The following SLC22A2 variants were observed in gnomAD, a reference collection of about 807,000 sequenced individuals.
SLC22A2 encodes solute carrier family 22 member 2.
A neutral mutation model predicts 60.5 loss-of-function variants in SLC22A2; 46 were observed. The ratio of observed to expected loss-of-function variants is 0.76; its 90% CI spans 0.60 to 0.97. The LOEUF is 0.97. SLC22A2 is among the 50% of genes least tolerant of loss of function. The pLI is 0.00. For missense variants in SLC22A2, 701 were observed against 706.6 expected (o/e 0.99, Z 0.09); for synonymous variants, 303 against 267.0 (o/e 1.13, Z -1.31).
Position 160,243,729 on chromosome 6 carries a change from G to A in SLC22A2, c.1122C>T (p.Asp374=). ...AGTAGAAGAAATCCAGGTAGATATT[G>A]TCACCTGCAAGGCCCATGTGCATGA... ...GLIMHMGLAG[D]NIYLDFFYSA... Residue 374 remains aspartate (D), a synonymous_variant, in exon 7 of 11, where the codon GAC becomes GAT. Coordinates refer to ENST00000366953, the MANE Select transcript of SLC22A2 (RefSeq NM_003058.4). The A allele has an allele frequency of 6.2e-7, 1 of 1,614,002 alleles. No individual in the cohort carries two copies. Among genetic ancestry groups the A allele is most frequent in the Non-Finnish European group, 8.5e-7 (1 of 1,179,898 alleles).
chr6:160,248,330 C>A (rs1783129988), intron 4 of SLC22A2, among the ~76,000 whole-genome samples: 1 of 152,216 alleles, frequency 6.6e-6, no homozygotes, highest in Non-Finnish European at 1.5e-5. Flanking sequence ...AATCTGCCAG[C>A]ACCTGGATCT....
Position 160,224,813 on chromosome 6 carries a change from CA to C in SLC22A2, c.1502-10del. 2 of 1,506,168 alleles carry C rather than the reference CA, an allele frequency of 1.3e-6. No individual in the cohort carries two copies. Among genetic ancestry groups the C allele is most frequent in the East Asian group, 2.3e-5 (1 of 42,994 alleles). 93.3% of individuals were successfully genotyped at this position (1,506,168 alleles called of 1,614,324 possible). ...AACCAAGCCAAGCACGCCTGAAAGC[CA>C]AACAGATGAATATCACATTAAGAAC... On this transcript the variant is annotated splice_polypyrimidine_tract_variant and intron_variant, in intron 9 of 10. Transcript: ENST00000366953.
Position 160,249,350 on chromosome 6 carries a change from TG to T in SLC22A2, c.707del (p.Thr236LysfsTer17). On this transcript the variant is annotated frameshift_variant, in exon 4 of 11. Coordinates refer to ENST00000366953, the MANE Select transcript of SLC22A2 (RefSeq NM_003058.4). LOFTEE classifies it high-confidence loss of function. ...AGGCAACTTGGTAAAAAATCCCCACTGTTCTCCGATATCTCCGCCCAACAAA... is the reference window on the plus strand; with the variant it reads ...AGGCAACTTGGTAAAAAATCCCCACTTTCTCCGATATCTCCGCCCAACAAA... ...TEFVGRRYRRTVGIFYQVAYT... is the reference protein window; with the variant it reads ...TEFVGRRYRRXVGIFYQVAYT... 4 of 1,613,692 alleles carry T rather than the reference TG, an allele frequency of 2.5e-6. No homozygotes were observed. Among genetic ancestry groups the T allele is most frequent in the Non-Finnish European group, 3.4e-6 (4 of 1,179,846 alleles).
chr6:160,228,640 TG>T (rs2114853361), intron 9 of SLC22A2, among the ~76,000 whole-genome samples: 1 of 152,312 alleles, frequency 6.6e-6, no homozygotes, highest in East Asian at 1.9e-4. Flanking sequence ...CATAGAAACA[TG>T]GATAGTAATT....
chr6:160,217,723 T>A (rs2450973), intron 10 of SLC22A2, among the ~76,000 whole-genome samples: 127,792 of 151,804 alleles, frequency 0.84, 54,581 homozygotes, highest in Admixed American at 0.91. Context: ...GTTGAATTGG[T>A]ACTGGCCTAA....
At chr6:160,234,635 C>T (rs539977980) in intron 9 of SLC22A2, among the ~76,000 whole-genome samples, 2 of 152,214 alleles carry the variant, frequency 1.3e-5, no homozygotes, top group Non-Finnish European at 2.9e-5. Context: ...AACTTGTAAC[C>T]ACATGGCAGT....
intron 9 of SLC22A2, among the ~76,000 whole-genome samples, chr6:160,232,684 T>A (rs1232772815): frequency 6.6e-6 from 1 of 151,734 alleles, no homozygotes; most frequent in African/African-American, 2.4e-5. Context: ...ATGCTTATGC[T>A]CATAAGGTAG....
At chr6:160,218,954 ACAGCAGCAG>A (rs752201564) in intron 10 of SLC22A2, among the ~76,000 whole-genome samples, 9 of 5,598 alleles carry the variant, frequency 1.6e-3, no homozygotes, top group Non-Finnish European at 3.5e-3. Context: ...AATAGCAGCA[ACAGCAGCAG>A]CAGCAGCAGC....
intron 2 of SLC22A2, among the ~76,000 whole-genome samples, chr6:160,251,635 A>G (rs1405744188): frequency 6.6e-6 from 1 of 152,196 alleles, no homozygotes; most frequent in African/African-American, 2.4e-5. Flanking sequence ...TAATCCACTT[A>G]GTGGATATTT....
chr6:160,250,809 T>C, intron 2 of SLC22A2, 107 bp from the exon 3 acceptor site: 1 of 1,143,304 alleles, frequency 8.7e-7, no homozygotes, highest in Non-Finnish European at 1.3e-6. Flanking sequence ...GAGGTTAACT[T>C]TAAATTTTAT....
In SLC22A2 at chr6:160,229,589, C is replaced by T. The variant is rs936402284; in HGVS notation, c.1502-4785G>A. ...TTCTCTCCATGTACCCACCCCTTCT[C>T]CACTTTCCTGGGGGGCAAGCACCTC... is the stretch of plus-strand genomic sequence containing the variant. On this transcript the variant is annotated intron_variant, in intron 9 of 10. Coordinates refer to ENST00000366953, the MANE Select transcript of SLC22A2 (RefSeq NM_003058.4). Among the ~76,000 whole-genome samples the T allele has an allele frequency of 4.0e-5, 6 of 151,836 alleles. No homozygotes were observed. The East Asian group carries it at 5.8e-4, about 15-fold the overall frequency.
At chr6:160,245,234 G>T in intron 6 of SLC22A2, 2 of 345,850 alleles carry the variant, frequency 5.8e-6, no homozygotes, top group Non-Finnish European at 5.2e-6. Flanking sequence ...GGTTGCCATT[G>T]CCTTGATCTG....
intron 9 of SLC22A2, among the ~76,000 whole-genome samples, chr6:160,231,215 C>T (rs1782818706): frequency 1.3e-5 from 2 of 151,834 alleles, no homozygotes; most frequent in Non-Finnish European, 2.9e-5. Flanking sequence ...CTTTTATGCA[C>T]TCTTTTTTCA....
rs779443674 is a variant in SLC22A2, at chr6:160,243,605, C to T, written c.1246G>A (p.Ala416Thr). ...ATAAAAACTGAGGCCAGACAGGCTG[C>T]CCCTGCAACCATATTTGATGCAGCC... ...PWAASNMVAG[A>T]ACLASVFIPG... is the part of the protein sequence containing the mutation. The change falls in exon 7 of 11, where the codon GCA becomes ACA. Residue 416 changes from alanine (A) to threonine (T), a missense_variant. Coordinates refer to ENST00000366953, the MANE Select transcript of SLC22A2 (RefSeq NM_003058.4). 3 of 1,613,970 alleles carry T rather than the reference C, an allele frequency of 1.9e-6. No individual in the cohort carries two copies. The highest frequency in any genetic ancestry group is 2.5e-6 in the Non-Finnish European group (3 of 1,179,892).
At position 160,241,554 on chromosome 6, in the gene SLC22A2, C is replaced by T; in HGVS notation, c.1421G>A (p.Cys474Tyr). Residue 474 changes from cysteine (C) to tyrosine (Y), a missense_variant, in exon 9 of 11, where the codon TGT becomes TAT. By Grantham distance (194) the Cys-to-Tyr change is radical. Transcript: ENST00000366953. ...TGGCGTGATGATGCCACCAATGTCA[C>T]ACATTGAGGAACAGATGTGGACGCC... ...NLGVHICSSMCDIGGIITPFL... is the reference protein window; with the variant it reads ...NLGVHICSSMYDIGGIITPFL... The T allele has an allele frequency of 6.2e-7, 1 of 1,613,442 alleles. No homozygotes were observed. Among genetic ancestry groups the T allele is most frequent in the South Asian group, 1.1e-5 (1 of 91,062 alleles).
intron 9 of SLC22A2, among the ~76,000 whole-genome samples, chr6:160,237,139 C>A (rs1451482869): frequency 6.6e-6 from 1 of 152,122 alleles, no homozygotes; most frequent in Non-Finnish European, 1.5e-5. Flanking sequence ...TTTAGACTGA[C>A]CCTGCTCATT....
At chr6:160,254,149 G>A (rs1375114080) in intron 2 of SLC22A2, among the ~76,000 whole-genome samples, 4 of 152,174 alleles carry the variant, frequency 2.6e-5, no homozygotes, top group South Asian at 2.1e-4. Flanking sequence ...ATGGTGGTAG[G>A]CGCCTGTAAT....
At chr6:160,219,988 G>A (rs1413400180) in intron 10 of SLC22A2, among the ~76,000 whole-genome samples, 1 of 152,200 alleles carries the variant, frequency 6.6e-6, no homozygotes. Context: ...GGTTGCTGAA[G>A]GTTGAAGTGG....
chr6:160,258,637 C>A lies in SLC22A2; in HGVS notation c.121G>T (p.Val41Phe), dbSNP rs548362661. The change falls in exon 1 of 11, where the codon GTC becomes TTC. Residue 41 changes from valine to phenylalanine, a missense_variant. Val to Phe is a conservative substitution (Grantham distance 50). Transcript: ENST00000366953. ...ATFAPIYVGIVFLGFTPDHRC... is the reference protein window; with the variant it reads ...ATFAPIYVGIFFLGFTPDHRC... Reference sequence around the variant, plus strand: ...TGGTCAGGGGTGAAGCCCAGGAAGACGATGCCCACGTAGATGGGCGCGAAG... The same window carrying A: ...TGGTCAGGGGTGAAGCCCAGGAAGAAGATGCCCACGTAGATGGGCGCGAAG... 9.9e-6 allele frequency: 16 copies of A among 1,613,906 alleles called. No homozygotes were observed. The South Asian group carries it at 1.6e-4, about 17-fold the overall frequency.
Sources: allele counts gnomAD v4.1 joint callset (sites outside exome capture counted in the v4.1 genomes callset), GRCh38; gene constraint gnomAD v4.1.1; transcripts MANE v1.5; gene names NCBI Gene and HGNC (gene_info 2026-07-23, HGNC 2026-07-21).